LCLAT1: variants seen among roughly 807,000 people sequenced by gnomAD.
LCLAT1 encodes the protein 1-AGP acyltransferase 8.
A neutral mutation model predicts 30.7 loss-of-function variants in LCLAT1; 11 were observed. The observed-to-expected ratio is 0.36, with a 90% CI of 0.23 to 0.59. The LOEUF is 0.59. Ranked by LOEUF, LCLAT1 falls within the 20% of genes least tolerant of loss-of-function variation. The pLI is 0.77. For missense variants in LCLAT1, 402 were observed against 458.6 expected (o/e 0.88, Z 1.13); for synonymous variants, 155 against 151.3 (o/e 1.02, Z -0.18).
At chr2:30,584,215 G>C (rs1666331157) in intron 5 of LCLAT1, among the ~76,000 whole-genome samples, 1 of 152,162 alleles carries the variant, frequency 6.6e-6, no homozygotes, top group African/African-American at 2.4e-5. Context: ...CAGTTTAACT[G>C]TATGTCTATT....
At chr2:30,522,694 T>G (rs1685534977) in intron 1 of LCLAT1, among the ~76,000 whole-genome samples, 1 of 152,190 alleles carries the variant, frequency 6.6e-6, no homozygotes, top group African/African-American at 2.4e-5. Flanking sequence ...AGAAGTAGGA[T>G]AGAAGTAATT....
intron 5 of LCLAT1, among the ~76,000 whole-genome samples, chr2:30,603,621 CAA>C (rs1667291202): frequency 6.6e-6 from 1 of 151,874 alleles, no homozygotes. Flanking sequence ...TGTATTGTAA[CAA>C]AAGAGTAAAC....
intron 3 of LCLAT1, among the ~76,000 whole-genome samples, chr2:30,545,771 C>G (rs1378057643): frequency 6.6e-6 from 1 of 152,068 alleles, no homozygotes; most frequent in East Asian, 1.9e-4. Context: ...CATAAAAAGT[C>G]CATTTGCCTA....
chr2:30,488,273 C>T lies in LCLAT1; in HGVS notation c.-4-37314C>T, dbSNP rs75054255. Among the ~76,000 whole-genome samples the T allele has an allele frequency of 9.4e-3, 1,432 of 152,292 alleles. 24 individuals are homozygous for T. Among genetic ancestry groups the T allele is most frequent in the African/African-American group, 0.032 (1,343 of 41,568 alleles). Reference sequence around the variant, plus strand: ...GTAAATTTGTATCAGATTACTTTGGCTGTAAGTTTCTAAAATTTCCAACAC... The same window carrying T: ...GTAAATTTGTATCAGATTACTTTGGTTGTAAGTTTCTAAAATTTCCAACAC... On this transcript the variant is annotated intron_variant, in intron 1 of 5. Transcript: ENST00000379509.
intron 1 of LCLAT1, among the ~76,000 whole-genome samples, chr2:30,467,597 CTGT>C (rs964555852): frequency 3.5e-4 from 53 of 152,178 alleles, no homozygotes; most frequent in Non-Finnish European, 7.4e-5. Context: ...TCTCCAGCAC[CTGT>C]TGTTTCTTGA....
Position 30,516,421 on chromosome 2 carries a change from C to T in LCLAT1, c.-4-9166C>T, listed in dbSNP as rs535768076. On this transcript the variant is annotated intron_variant, in intron 1 of 5. Coordinates refer to ENST00000379509, the MANE Select transcript of LCLAT1 (RefSeq NM_001002257.3). The stretch of plus-strand genomic sequence containing the variant: ...CTGCTGCGCTTCTGATGCAGCAAGG[C>T]GCCCATTGCCGCTCCTGATCAGGCT... Among the ~76,000 whole-genome samples, 480 of 152,314 alleles carry T rather than the reference C, an allele frequency of 3.2e-3. 2 individuals are homozygous for T. Among genetic ancestry groups the T allele is most frequent in the African/African-American group, 0.011 (446 of 41,568 alleles).
intron 1 of LCLAT1, among the ~76,000 whole-genome samples, chr2:30,501,984 CCT>C (rs1218865866): frequency 6.6e-6 from 1 of 152,224 alleles, no homozygotes; most frequent in East Asian, 1.9e-4. Context: ...CGTAAGAAAT[CCT>C]GGCTTCTGAT....
In LCLAT1 at chr2:30,490,288, C is replaced by T. The variant is rs566557424; in HGVS notation, c.-4-35299C>T. 6.3e-4 allele frequency among the ~76,000 whole-genome samples: 96 copies of T among 151,304 alleles called. 1 individual carries two copies. Among genetic ancestry groups the T allele is most frequent in the African/African-American group, 2.1e-3 (87 of 41,198 alleles). The stretch of plus-strand genomic sequence containing the variant: ...CACAATCTCAGCTCACTGCAAGCTC[C>T]GCCTCCCAGGTTCAAGTGATTGTCC... On this transcript the variant is annotated intron_variant, in intron 1 of 5. Coordinates refer to ENST00000379509, the MANE Select transcript of LCLAT1 (RefSeq NM_001002257.3).
chr2:30,570,407 A>C (rs1558527259), intron 5 of LCLAT1, among the ~76,000 whole-genome samples: 1 of 152,258 alleles, frequency 6.6e-6, no homozygotes, highest in African/African-American at 2.4e-5. Flanking sequence ...ATAGTATAGC[A>C]GCTAACGTTA....
At chr2:30,475,925 T>G (rs553389512) in intron 1 of LCLAT1, among the ~76,000 whole-genome samples, 24 of 152,360 alleles carry the variant, frequency 1.6e-4, no homozygotes, top group African/African-American at 5.8e-4. Flanking sequence ...ACTATGAGTC[T>G]TATTTTTGAA....
At chr2:30,607,600 G>T (rs1312418588) in intron 5 of LCLAT1, 1 of 152,118 alleles carries the variant, frequency 6.6e-6, no homozygotes, top group East Asian at 1.9e-4. Context: ...TAATGACTAT[G>T]TTACTGATTT....
At chr2:30,465,713 GT>G (rs1199820440) in intron 1 of LCLAT1, among the ~76,000 whole-genome samples, 1 of 152,152 alleles carries the variant, frequency 6.6e-6, no homozygotes, top group African/African-American at 2.4e-5. Flanking sequence ...CAATAGTAAA[GT>G]TAATAAGGAA....
At chr2:30,488,317 G>T (rs1054604279) in intron 1 of LCLAT1, among the ~76,000 whole-genome samples, 1 of 152,202 alleles carries the variant, frequency 6.6e-6, no homozygotes, top group African/African-American at 2.4e-5. Context: ...GGTCATGTGT[G>T]TGCAATCTTC....
At chr2:30,622,395 C>CA (rs764296458) in intron 5 of LCLAT1, among the ~76,000 whole-genome samples, 1 of 152,130 alleles carries the variant, frequency 6.6e-6, no homozygotes, top group South Asian at 2.1e-4. Context: ...CTGAGAAACC[C>CA]AAATACTTAT....
chr2:30,494,138 A>G (rs1244049037), intron 1 of LCLAT1, among the ~76,000 whole-genome samples: 2 of 152,190 alleles, frequency 1.3e-5, no homozygotes, highest in Non-Finnish European at 2.9e-5. Context: ...CAGGAGGATC[A>G]CTTGACTCCA....
chr2:30,549,385 T>A (rs1664577255), intron 3 of LCLAT1, among the ~76,000 whole-genome samples: 1 of 152,218 alleles, frequency 6.6e-6, no homozygotes, highest in African/African-American at 2.4e-5. Flanking sequence ...TACCCTTAGG[T>A]CTGCTGAAAA....
chr2:30,541,674 T>A (rs1395069452), intron 3 of LCLAT1, among the ~76,000 whole-genome samples: 2 of 152,210 alleles, frequency 1.3e-5, no homozygotes, highest in East Asian at 3.8e-4. Context: ...TTACTTACAT[T>A]CAATAAAATT....
At chr2:30,479,167 C>A (rs554650895) in intron 1 of LCLAT1, among the ~76,000 whole-genome samples, 56 of 152,188 alleles carry the variant, frequency 3.7e-4, no homozygotes, top group African/African-American at 1.3e-3. Flanking sequence ...GTGAATCTCA[C>A]AGACATGTTG....
intron 1 of LCLAT1, among the ~76,000 whole-genome samples, chr2:30,493,739 T>C (rs1285608001): frequency 6.6e-6 from 1 of 152,176 alleles, no homozygotes; most frequent in African/African-American, 2.4e-5. Context: ...ACTAGAATAA[T>C]GGGGGCTATC....
Sources: allele counts gnomAD v4.1 joint callset (sites outside exome capture counted in the v4.1 genomes callset), GRCh38; gene constraint gnomAD v4.1.1; transcripts MANE v1.5; gene names NCBI Gene and HGNC (gene_info 2026-07-23, HGNC 2026-07-21).